Variants in ROCK2 observed in about 807,000 individuals in gnomAD.
ROCK2 encodes rho-associated protein kinase 2.
Under a neutral mutation model 195.1 loss-of-function variants are expected in ROCK2, and 61 were observed. The observed-to-expected ratio is 0.31, with a 90% CI of 0.25 to 0.39. The LOEUF (loss-of-function observed/expected upper bound fraction) is 0.39. Ranked by LOEUF, ROCK2 falls within the 10% of genes least tolerant of loss-of-function variation. The pLI is 1.00. For missense variants in ROCK2, 1,109 were observed against 1,637.4 expected (o/e 0.68, Z 5.57); for synonymous variants, 504 against 545.5 (o/e 0.92, Z 1.06).
chr2:11,272,938 C>G (rs1666693471), intron 3 of ROCK2, among the ~76,000 whole-genome samples: 1 of 149,736 alleles, frequency 6.7e-6, no homozygotes, highest in African/African-American at 2.4e-5. Context: ...AAATTGACAT[C>G]TGAATTTTTA....
intron 19 of ROCK2, 56 bp from the exon 20 acceptor site, chr2:11,207,966 C>A (rs1052439824): frequency 3.1e-6 from 4 of 1,280,126 alleles, no homozygotes; most frequent in Non-Finnish European, 4.1e-6. Context: ...TTTTTCTAAT[C>A]AATGAAGTTG....
At chr2:11,322,083 T>C (rs956195160) in intron 1 of ROCK2, among the ~76,000 whole-genome samples, 3 of 152,028 alleles carry the variant, frequency 2.0e-5, no homozygotes, top group Non-Finnish European at 4.4e-5. Flanking sequence ...AAGGTGACCA[T>C]CTGCATGCCA....
At chr2:11,309,976 A>G (rs2148229215) in intron 1 of ROCK2, among the ~76,000 whole-genome samples, 1 of 152,048 alleles carries the variant, frequency 6.6e-6, no homozygotes, top group East Asian at 1.9e-4. Context: ...CAAAAAAAAC[A>G]AAAAAAAGAA....
chr2:11,198,374 C>A, intron 25 of ROCK2, 117 bp downstream of exon 25: 1 of 681,576 alleles, frequency 1.5e-6, no homozygotes, highest in South Asian at 2.1e-5. Context: ...ATTGTGACTT[C>A]ACAAATATTG....
chr2:11,221,296 A>C lies in ROCK2; in HGVS notation c.1161T>G (p.Ile387Met), dbSNP rs1252221792. 2.5e-6 allele frequency: 4 copies of C among 1,592,230 alleles called. No homozygotes were observed. The highest frequency in any genetic ancestry group is 3.4e-6 in the Non-Finnish European group (4 of 1,171,834). ...TTTCTACATCTCCTTTGTCATCTTC[A>C]ATGTCATCGAAATTGCTGCTGTCTA... ...SDIDSSNFDD[I>M]EDDKGDVETF... The change falls in exon 9 of 33, where the codon ATT (isoleucine) becomes ATG (methionine). Residue 387 changes from isoleucine to methionine, a missense_variant. Physicochemically the swap from Ile to Met is conservative, Grantham distance 10. This residue lies in a region of ROCK2 where 253 missense variants were observed against 455.5 expected (regional missense o/e 0.56). Transcript: ENST00000315872.
chr2:11,199,135 G>T (rs895977113), intron 23 of ROCK2, among the ~76,000 whole-genome samples: 2 of 151,474 alleles, frequency 1.3e-5, no homozygotes, highest in African/African-American at 4.9e-5. Flanking sequence ...TCCTGGCCTC[G>T]AGTGATCGCC....
chr2:11,340,309 C>T (rs1428479796), intron 1 of ROCK2, among the ~76,000 whole-genome samples: 1 of 152,104 alleles, frequency 6.6e-6, no homozygotes, highest in African/African-American at 2.4e-5. Flanking sequence ...CACAAGTATT[C>T]TAATGTGAGA....
intron 13 of ROCK2, 87 bp from the exon 14 acceptor site, chr2:11,215,732 A>G: frequency 8.9e-7 from 1 of 1,123,726 alleles, no homozygotes; most frequent in Non-Finnish European, 1.2e-6. Context: ...AAACAGATAA[A>G]AAAGATCTCA....
Position 11,225,238 on chromosome 2 carries a change from A to G in ROCK2, c.869-778T>C, listed in dbSNP as rs535648231. Among the ~76,000 whole-genome samples, 4 of 152,248 alleles carry G rather than the reference A, an allele frequency of 2.6e-5. No homozygotes were observed. The East Asian group carries it at 7.7e-4, about 29-fold the overall frequency. ...AAAGATGGAAAATGTTGAAGGCACC[A>G]TTTTGGCCAGTACTCAGCTAAAGCC... is the stretch of plus-strand genomic sequence containing the variant. On this transcript the variant is annotated intron_variant, in intron 6 of 32. Coordinates refer to ENST00000315872, the MANE Select transcript of ROCK2 (RefSeq NM_004850.5).
intron 1 of ROCK2, among the ~76,000 whole-genome samples, chr2:11,331,206 T>C (rs185689449): frequency 6.6e-6 from 1 of 152,364 alleles, no homozygotes; most frequent in African/African-American, 2.4e-5. Flanking sequence ...AAGCATATTC[T>C]GAGTATGACT....
intron 12 of ROCK2, 88 bp from the exon 13 acceptor site, chr2:11,216,294 TGGTAGCTCTCC>T: frequency 1.0e-6 from 1 of 971,578 alleles, no homozygotes; most frequent in Non-Finnish European, 1.6e-6. Context: ...CATAATTACT[TGGTAGCTCTCC>T]TTTATTTTTC....
intron 3 of ROCK2, among the ~76,000 whole-genome samples, chr2:11,265,059 C>T (rs151029344): frequency 1.3e-3 from 199 of 152,232 alleles, no homozygotes; most frequent in South Asian, 2.7e-3. Flanking sequence ...TTAATTTTCC[C>T]ATCTGTACAA....
At chr2:11,233,216 TAAC>T (rs1665083431) in intron 5 of ROCK2, among the ~76,000 whole-genome samples, 1 of 152,052 alleles carries the variant, frequency 6.6e-6, no homozygotes, top group African/African-American at 2.4e-5. Context: ...GTGTCTACAA[TAAC>T]AACAAAAAAA....
chr2:11,343,934 G>C, intron 1 of ROCK2, 62 bp downstream of exon 1: 2 of 1,536,464 alleles, frequency 1.3e-6, no homozygotes, highest in Non-Finnish European at 1.7e-6. Context: ...CGGAGGGCTG[G>C]GCGGAGAGGG....
intron 3 of ROCK2, among the ~76,000 whole-genome samples, chr2:11,254,665 CAGG>C (rs1398272331): frequency 7.9e-6 from 1 of 126,260 alleles, no homozygotes; most frequent in Non-Finnish European, 1.6e-5. Flanking sequence ...GAAGCTGAGG[CAGG>C]AGGACTGCTT....
At position 11,180,248 on chromosome 2, in the gene ROCK2, G is replaced by C. The variant is rs1442006594; in HGVS notation, c.*3189C>G. ...CTACTTTACCACCAGAATCCTAGAA[G>C]AGAGTAACAGCAGCAGCATAACTTC... On this transcript the variant is annotated 3_prime_UTR_variant, in exon 33 of 33. Transcript: ENST00000315872. 1 of 152,208 alleles carries C rather than the reference G, an allele frequency of 6.6e-6. No homozygotes were observed. The allele number at this position is 152,208 out of a possible 1,614,324, so 9.4% of individuals were successfully genotyped here. A position where few individuals can be genotyped will look rare whatever the true frequency, so the allele number is the denominator to read the frequency against.
At chr2:11,281,031 T>C (rs978888162) in intron 3 of ROCK2, among the ~76,000 whole-genome samples, 2 of 151,858 alleles carry the variant, frequency 1.3e-5, no homozygotes, top group Admixed American at 6.6e-5. Flanking sequence ...TATTATGCGG[T>C]GTAAAAGAAT....
rs1178289511 is a variant in ROCK2, at chr2:11,331,024, G to GAGGAGGAGGA, written c.141+12971_141+12972insTCCTCCTCCT. On this transcript the variant is annotated intron_variant, in intron 1 of 32. Transcript: ENST00000315872. ...GGAGGAAGGAGCAGAAAGAAGGAGG[G>GAGGAGGAGGA]AGGAGGAGGGAGGAGGAGGGAGGAG... Among the ~76,000 whole-genome samples the GAGGAGGAGGA allele has an allele frequency of 7.8e-4, 64 of 81,680 alleles. 1 individual carries two copies. The highest frequency in any genetic ancestry group is 3.1e-3 in the African/African-American group (62 of 20,190). 53.6% of individuals were successfully genotyped at this position (81,680 alleles called of 152,430 possible). A position where few individuals can be genotyped will look rare whatever the true frequency, so the allele number is the denominator to read the frequency against.
intron 3 of ROCK2, among the ~76,000 whole-genome samples, chr2:11,271,443 T>C (rs1417419884): frequency 6.6e-6 from 1 of 152,230 alleles, no homozygotes; most frequent in Non-Finnish European, 1.5e-5. Context: ...CTCGTGGCAA[T>C]TTCTGCTTAT....
Sources: gnomAD v4.1 joint callset for allele counts (sites outside exome capture counted in the v4.1 genomes callset) on GRCh38, gnomAD v4.1.1 for gene constraint, gnomAD v4.1.1 regional missense constraint, MANE v1.5 for transcripts, NCBI Gene and HGNC (gene_info 2026-07-23, HGNC 2026-07-21) for gene names.